Variants in CDC42BPB observed in about 807,000 individuals in gnomAD.
CDC42BPB encodes serine/threonine-protein kinase MRCK beta.
A neutral mutation model predicts 214.9 loss-of-function variants in CDC42BPB; 37 were observed. The observed-to-expected ratio is 0.17, with a 90% CI of 0.13 to 0.23. The LOEUF (loss-of-function observed/expected upper bound fraction) is 0.23, where lower values mean the gene tolerates loss of function less well. Among genes scored for constraint, CDC42BPB ranks in the 10% least tolerant of loss-of-function variants. The probability of loss-of-function intolerance (pLI) is 1.00; values close to 1 mark genes in which losing one functional copy is unlikely to be tolerated. For synonymous variants in CDC42BPB, 931 were observed against 884.0 expected (o/e 1.05, Z -0.94); for missense variants, 1,694 against 2,227.0 (o/e 0.76, Z 4.82).
In CDC42BPB at chr14:103,001,920, C is replaced by T. The variant is rs1015868284; in HGVS notation, c.447+2008G>A. On this transcript the variant is annotated intron_variant, in intron 4 of 36. Coordinates refer to ENST00000361246, the MANE Select transcript of CDC42BPB (RefSeq NM_006035.4). This position sits in a 1 kb window ranked among gnomAD's most constrained non-coding sequence, Gnocchi z 5.8. ...GAGCATGGTCTCTGAGGAAAGCTAA[C>T]GCGGGAGCTCGTGAGGCAGACGGCG... is the stretch of plus-strand genomic sequence containing the variant. Among the ~76,000 whole-genome samples the T allele has an allele frequency of 3.3e-5, 5 of 152,208 alleles. No individual in the cohort carries two copies. In the East Asian group the frequency reaches 7.7e-4, roughly 23 times the overall value.
intron 1 of CDC42BPB, among the ~76,000 whole-genome samples, chr14:103,052,245 T>C (rs1356296036): frequency 6.6e-6 from 1 of 152,254 alleles, no homozygotes; most frequent in African/African-American, 2.4e-5. Flanking sequence ...ATCTACATGA[T>C]CTAAATTAGG....
chr14:103,037,682 T>C (rs2139731785), intron 1 of CDC42BPB, among the ~76,000 whole-genome samples: 1 of 152,098 alleles, frequency 6.6e-6, no homozygotes, highest in South Asian at 2.1e-4. Flanking sequence ...GCTAAGGGCT[T>C]TGTAAAGCCC....
At chr14:102,974,304 AC>A in intron 11 of CDC42BPB, 155 bp from the exon 12 acceptor site, 1 of 984,460 alleles carries the variant, frequency 1.0e-6, no homozygotes. Flanking sequence ...ACACACACAC[AC>A]ACACACACAC....
Position 102,943,593 on chromosome 14 carries a change from C to T in CDC42BPB, c.4408+298G>A, listed in dbSNP as rs539264698. 6.6e-6 allele frequency among the ~76,000 whole-genome samples: 1 copy of T among 151,270 alleles called. No homozygotes were observed. Among genetic ancestry groups the T allele is most frequent in the South Asian group, 2.1e-4 (1 of 4,736 alleles). ...TGAATGCCACGCCCCGTTCTCGGTTCGCCGAGCCCTTCTGCCCAGGGGCCT... is the reference window on the plus strand; with the variant it reads ...TGAATGCCACGCCCCGTTCTCGGTTTGCCGAGCCCTTCTGCCCAGGGGCCT... On this transcript the variant is annotated intron_variant, in intron 30 of 36. Transcript: ENST00000361246. This position sits in a 1 kb window ranked among gnomAD's most constrained non-coding sequence, Gnocchi z 4.6.
intron 28 of CDC42BPB, 75 bp from the exon 29 acceptor site, chr14:102,945,799 G>A: frequency 7.7e-7 from 1 of 1,296,788 alleles, no homozygotes; most frequent in Non-Finnish European, 1.1e-6. Context: ...TGCGTGGGTG[G>A]GCTCATTCAC....
Position 102,959,725 on chromosome 14 carries a change from A to G in CDC42BPB, c.2822-15T>C. 1 of 1,607,272 alleles carries G rather than the reference A, an allele frequency of 6.2e-7. No individual in the cohort carries two copies. The highest frequency in any genetic ancestry group is 8.5e-7 in the Non-Finnish European group (1 of 1,177,056). On this transcript the variant is annotated splice_polypyrimidine_tract_variant and intron_variant, in intron 20 of 36. Coordinates refer to ENST00000361246, the MANE Select transcript of CDC42BPB (RefSeq NM_006035.4). Reference sequence around the variant, plus strand: ...AAGTTTGAGCCCTGCAAAAAGAAACAAAGAATAGTCAAGGCAAAAAAACTA... The same window carrying G: ...AAGTTTGAGCCCTGCAAAAAGAAACGAAGAATAGTCAAGGCAAAAAAACTA...
At chr14:103,045,035 A>AAAAT (rs36127793) in intron 1 of CDC42BPB, among the ~76,000 whole-genome samples, 2,961 of 146,146 alleles carry the variant, frequency 0.02, 37 homozygotes, top group African/African-American at 0.033. Flanking sequence ...CTCTGTCTCT[A>AAAAT]AAATAAATAA....
intron 1 of CDC42BPB, among the ~76,000 whole-genome samples, chr14:103,046,124 C>T (rs1888269668): frequency 6.6e-6 from 1 of 152,046 alleles, no homozygotes; most frequent in Non-Finnish European, 1.5e-5. Flanking sequence ...AGAGCATCCG[C>T]TTCAAGTCTG....
rs757217270 is a variant in CDC42BPB, at chr14:102,974,033, T to C, written c.1624A>G (p.Lys542Glu). ...EKQHRVVRQE[K>E]EELHKQLVEA... is the part of the protein sequence containing the mutation. ...CCACCTACCTTGTGCAGCTCCTCCT[T>C]CTCCTGCCGGACCACGCGGTGCTGC... The change falls in exon 12 of 37, where the codon AAG becomes GAG. Residue 542 changes from lysine to glutamate, a missense_variant. By Grantham distance (56) the Lys-to-Glu change is moderately conservative. Around this residue, in one of 7 missense-constraint regions of CDC42BPB, gnomAD observed 462 missense variants for 513.5 expected, o/e 0.90. Coordinates refer to ENST00000361246, the MANE Select transcript of CDC42BPB (RefSeq NM_006035.4). The C allele has an allele frequency of 8.1e-6, 13 of 1,610,434 alleles. No individual in the cohort carries two copies. The highest frequency in any genetic ancestry group is 1.1e-5 in the Non-Finnish European group (13 of 1,178,734).
rs142818722 is a variant in CDC42BPB, at chr14:102,956,849, A to G, written c.2902-2161T>C. On this transcript the variant is annotated intron_variant, in intron 21 of 36. Coordinates refer to ENST00000361246, the MANE Select transcript of CDC42BPB (RefSeq NM_006035.4). ...GACTCTAAAAAATGGTTAAGATGGT[A>G]AGTTTTATGTTATGTGTGCTTATAT... 2.5e-4 allele frequency among the ~76,000 whole-genome samples: 37 copies of G among 150,682 alleles called. 1 individual carries two copies. The highest frequency in any genetic ancestry group is 8.8e-4 in the African/African-American group (36 of 40,934).
chr14:102,978,472 G>T, intron 8 of CDC42BPB: 1 of 299,402 alleles, frequency 3.3e-6, no homozygotes, highest in Non-Finnish European at 4.9e-6. Context: ...CCGTCACCAG[G>T]TTAGTGATTT....
At chr14:103,023,977 C>T (rs1886913515) in intron 1 of CDC42BPB, among the ~76,000 whole-genome samples, 1 of 152,112 alleles carries the variant, frequency 6.6e-6, no homozygotes, top group Non-Finnish European at 1.5e-5. Flanking sequence ...GCGGTGCCCA[C>T]CCCGGCCCCA....
chr14:102,981,887 G>A (rs527587012), intron 7 of CDC42BPB, among the ~76,000 whole-genome samples: 1 of 152,046 alleles, frequency 6.6e-6, no homozygotes, highest in African/African-American at 2.4e-5. Context: ...ATGATGCCAC[G>A]TATCTAAACA....
At chr14:102,964,702 A>T in intron 18 of CDC42BPB, 52 bp from the exon 19 acceptor site, 3 of 1,536,682 alleles carry the variant, frequency 2.0e-6, no homozygotes. Context: ...TCCGCTTGTT[A>T]AACTAATGTT....
chr14:102,960,587 G>A (rs528074637), intron 20 of CDC42BPB, among the ~76,000 whole-genome samples: 2 of 152,154 alleles, frequency 1.3e-5, no homozygotes, highest in Admixed American at 1.3e-4. Context: ...TCCTGCCTGG[G>A]TGACAGAGTG....
At chr14:103,051,512 G>A (rs1888606528) in intron 1 of CDC42BPB, among the ~76,000 whole-genome samples, 1 of 151,058 alleles carries the variant, frequency 6.6e-6, no homozygotes, top group Non-Finnish European at 1.5e-5. Flanking sequence ...GGAATTAACA[G>A]TCCTGTGTGC....
In CDC42BPB at chr14:102,968,716, C is replaced by G; in HGVS notation, c.1996G>C (p.Val666Leu). 1 of 1,613,622 alleles carries G rather than the reference C, an allele frequency of 6.2e-7. No individual in the cohort carries two copies. The highest frequency in any genetic ancestry group is 1.3e-5 in the African/African-American group (1 of 75,048). The change falls in exon 15 of 37, where the codon GTG becomes CTG. Residue 666 changes from valine to leucine, a missense_variant and splice_region_variant. Physicochemically the swap from Val to Leu is conservative, Grantham distance 32. Coordinates refer to ENST00000361246, the MANE Select transcript of CDC42BPB (RefSeq NM_006035.4). ...CCCGCTCCCCGGCCTCCTTGCTTCA[C>G]CTGAAGACAAAGGTTAACATAAATT... ...QMESELEALKVKQGGRGAGAT... is the reference protein window; with the variant it reads ...QMESELEALKLKQGGRGAGAT...
chr14:102,937,533 G>A (rs977712464), intron 36 of CDC42BPB, among the ~76,000 whole-genome samples: 1 of 152,230 alleles, frequency 6.6e-6, no homozygotes, highest in Non-Finnish European at 1.5e-5. Flanking sequence ...GATGGCGCCG[G>A]GGGCTAAGCC....
intron 1 of CDC42BPB, among the ~76,000 whole-genome samples, chr14:103,042,937 G>T (rs1267841706): frequency 6.6e-6 from 1 of 152,100 alleles, no homozygotes; most frequent in African/African-American, 2.4e-5. Flanking sequence ...ACACTCGAGG[G>T]ACATGAAAAC....
Sources: gnomAD v4.1 joint callset for allele counts (sites outside exome capture counted in the v4.1 genomes callset) on GRCh38, gnomAD v4.1.1 for gene constraint, gnomAD v4.1.1 regional missense constraint, Gnocchi (gnomAD v3.1) non-coding constraint, MANE v1.5 for transcripts, NCBI Gene and HGNC (gene_info 2026-07-23, HGNC 2026-07-21) for gene names.